Variants in RTN4 observed in about 807,000 individuals in gnomAD.
RTN4 encodes reticulon-4.
In RTN4, 32 loss-of-function variants were observed where a neutral mutation model predicts 90.4. That is an observed-to-expected ratio of 0.35 (90% CI 0.27 to 0.48). RTN4 has a LOEUF of 0.48. RTN4 is among the 20% of genes least tolerant of loss of function. The probability of loss-of-function intolerance (pLI) is 0.99; values close to 1 mark genes in which losing one functional copy is unlikely to be tolerated. For missense variants in RTN4, 1,706 were observed against 1,430.2 expected (o/e 1.19, Z -3.11); for synonymous variants, 629 against 552.5 (o/e 1.14, Z -1.94).
At chr2:55,020,027 CAATGATG>C (rs1455486315) in intron 3 of RTN4, among the ~76,000 whole-genome samples, 1 of 151,884 alleles carries the variant, frequency 6.6e-6, no homozygotes. Context: ...ATCTACAAAA[CAATGATG>C]AAAGAAATTG....
chr2:54,973,048 G>C lies in RTN4; in HGVS notation c.*108C>G. The C allele has an allele frequency of 2.7e-5, 23 of 856,206 alleles. 2 individuals carry two copies. The highest frequency in any genetic ancestry group is 4.1e-5 in the Non-Finnish European group (22 of 532,536). 53.0% of individuals were successfully genotyped at this position (856,206 alleles called of 1,614,324 possible). Reference sequence around the variant, plus strand: ...AAAAATAAAGATCTAACAACGATCTGTGAAACTGCACTGCAACGTCAAGGT... The same window carrying C: ...AAAAATAAAGATCTAACAACGATCTCTGAAACTGCACTGCAACGTCAAGGT... On this transcript the variant is annotated 3_prime_UTR_variant, in exon 9 of 9. Transcript: ENST00000337526.
chr2:54,990,319 A>C (rs1344465197), intron 3 of RTN4, among the ~76,000 whole-genome samples: 1 of 152,218 alleles, frequency 6.6e-6, no homozygotes, highest in Non-Finnish European at 1.5e-5. Flanking sequence ...GCGGTACTTT[A>C]ATAAGTTTGA....
intron 2 of RTN4, among the ~76,000 whole-genome samples, chr2:55,069,767 CG>C (rs1266979157): frequency 5.9e-5 from 9 of 152,152 alleles, no homozygotes; most frequent in Non-Finnish European, 5.9e-5. Flanking sequence ...CCAATGTCCA[CG>C]AAGTTCAGTG....
chr2:55,004,481 G>C (rs1680064672), intron 3 of RTN4, among the ~76,000 whole-genome samples: 1 of 152,166 alleles, frequency 6.6e-6, no homozygotes, highest in African/African-American at 2.4e-5. Flanking sequence ...ATGATTAACA[G>C]AATGCCTTAT....
intron 2 of RTN4, chr2:55,056,670 T>C (rs1488529766): frequency 6.6e-6 from 1 of 152,132 alleles, no homozygotes; most frequent in African/African-American, 2.4e-5. Context: ...GAAACTTCTC[T>C]GGATATCCTC....
intron 2 of RTN4, among the ~76,000 whole-genome samples, chr2:55,057,218 C>T (rs1263281723): frequency 2.6e-5 from 4 of 152,216 alleles, no homozygotes; most frequent in Non-Finnish European, 5.9e-5. Context: ...ATCTGCATAG[C>T]TTAGCAAGAA....
At chr2:54,993,336 G>C (rs981496907) in intron 3 of RTN4, among the ~76,000 whole-genome samples, 2 of 152,028 alleles carry the variant, frequency 1.3e-5, no homozygotes, top group African/African-American at 4.8e-5. Flanking sequence ...TTCCCAGTAG[G>C]CTTTCCTATT....
intron 3 of RTN4, among the ~76,000 whole-genome samples, chr2:55,018,670 GGAAA>G (rs750210800): frequency 4.6e-5 from 7 of 151,998 alleles, no homozygotes; most frequent in African/African-American, 7.2e-5. Flanking sequence ...TATGAAATCA[GGAAA>G]GAAAGAACAA....
At chr2:55,128,197 C>T in the RTN4 span, among the ~76,000 whole-genome samples, 1 of 152,042 alleles carries the variant, frequency 6.6e-6, no homozygotes, top group Non-Finnish European at 1.5e-5. Flanking sequence ...CAGAGCATGT[C>T]CTCAAAACTA....
chr2:55,032,880 T>C (rs894607208), intron 1 of RTN4, among the ~76,000 whole-genome samples: 1 of 151,718 alleles, frequency 6.6e-6, no homozygotes, highest in Non-Finnish European at 1.5e-5. Flanking sequence ...AACTTAAAAA[T>C]TAGCCGGTGT....
At position 54,987,630 on chromosome 2, in the gene RTN4, G is replaced by A; in HGVS notation, c.3082C>T (p.Leu1028=). The change falls in exon 4 of 9, where the codon CTG becomes TTG. Residue 1028 remains leucine (L), a synonymous_variant. Coordinates refer to ENST00000337526, the MANE Select transcript of RTN4 (RefSeq NM_020532.5). ...ATGCTGAATACTGTCAATGAAAGCA[G>A]CAGGAATAGGCTGGCACCAAACACC... ...GVVFGASLFL[L]LSLTVFSIVS... 1.2e-6 allele frequency: 2 copies of A among 1,614,138 alleles called. No homozygotes were observed. Among genetic ancestry groups the A allele is most frequent in the Non-Finnish European group, 1.7e-6 (2 of 1,180,000 alleles).
chr2:54,981,216 A>G (rs1024062571), intron 5 of RTN4, among the ~76,000 whole-genome samples: 8 of 152,164 alleles, frequency 5.3e-5, no homozygotes, highest in African/African-American at 1.9e-4. Flanking sequence ...CATACCTGTA[A>G]GCCCAGAGAC....
At chr2:55,124,879 G>C in the RTN4 span, among the ~76,000 whole-genome samples, 1 of 152,146 alleles carries the variant, frequency 6.6e-6, no homozygotes, top group African/African-American at 2.4e-5. Context: ...TAGACCAACG[G>C]AACAGAATGG....
the RTN4 span, among the ~76,000 whole-genome samples, chr2:55,133,698 T>G: frequency 6.6e-6 from 1 of 152,148 alleles, no homozygotes; most frequent in Non-Finnish European, 1.5e-5. Context: ...GAACCATAAA[T>G]AGCTCTCACC....
intron 1 of RTN4, among the ~76,000 whole-genome samples, chr2:55,090,431 G>T (rs894822674): frequency 1.2e-4 from 19 of 152,246 alleles, no homozygotes; most frequent in African/African-American, 4.1e-4. Context: ...TATGGACATA[G>T]AGAAAGTGGC....
intron 1 of RTN4, among the ~76,000 whole-genome samples, chr2:55,033,326 G>A (rs761824649): frequency 2.0e-5 from 3 of 152,112 alleles, no homozygotes; most frequent in South Asian, 2.1e-4. Flanking sequence ...TGAAAAAACT[G>A]ACAATCTAAA....
chr2:55,006,435 C>G (rs1217150898), intron 3 of RTN4, among the ~76,000 whole-genome samples: 2 of 152,078 alleles, frequency 1.3e-5, no homozygotes, highest in Non-Finnish European at 2.9e-5. Context: ...TACTCTCTAC[C>G]AAAATGTCAG....
At chr2:55,011,647 G>T (rs1459733622) in intron 3 of RTN4, among the ~76,000 whole-genome samples, 1 of 152,054 alleles carries the variant, frequency 6.6e-6, no homozygotes, top group Non-Finnish European at 1.5e-5. Context: ...CTTAATATCA[G>T]AAGTGGCTTG....
chr2:55,037,580 A>T (rs1682778932), intron 1 of RTN4, among the ~76,000 whole-genome samples: 1 of 152,204 alleles, frequency 6.6e-6, no homozygotes, highest in African/African-American at 2.4e-5. Flanking sequence ...TATTCTGGCT[A>T]CTGTCATTGC....
Sources: gnomAD v4.1 joint callset for allele counts (sites outside exome capture counted in the v4.1 genomes callset) on GRCh38, gnomAD v4.1.1 for gene constraint, MANE v1.5 for transcripts, NCBI Gene and HGNC (gene_info 2026-07-23, HGNC 2026-07-21) for gene names.